Variants in FANCA observed in about 807,000 individuals in gnomAD.
FANCA encodes the protein FA complementation group A.
In FANCA, 236 loss-of-function variants were observed where a neutral mutation model predicts 194.3. That is an observed-to-expected ratio of 1.21 (90% CI 1.09 to 1.35). The LOEUF (loss-of-function observed/expected upper bound fraction) is 1.35, where lower values mean the gene tolerates loss of function less well. Among genes scored for constraint, FANCA ranks in the 40% most tolerant of loss-of-function variants. The pLI is 0.00. For synonymous variants in FANCA, 1,014 were observed against 715.8 expected (o/e 1.42, Z -6.65); for missense variants, 2,628 against 1,813.9 (o/e 1.45, Z -8.15).
At chr16:89,801,284 C>T (rs2040442346) in intron 8 of FANCA, among the ~76,000 whole-genome samples, 1 of 143,962 alleles carries the variant, frequency 6.9e-6, no homozygotes, top group Admixed American at 7.2e-5. Flanking sequence ...GCGGAGCTTG[C>T]AGTGAGCCGA....
rs1598154103 is a variant in FANCA at position 89,792,737 on chromosome 16, G to T, written c.1007-190C>A. On this transcript the variant is annotated intron_variant, in intron 11 of 42. Transcript: ENST00000389301. ...GGCCCGGGGGACCACTACCATCAATGCGCGGAGACCGGTAGTGGCCCTGAA... is the reference window on the plus strand; with the variant it reads ...GGCCCGGGGGACCACTACCATCAATTCGCGGAGACCGGTAGTGGCCCTGAA... The T allele has an allele frequency of 1.8e-5, 10 of 557,516 alleles. 1 individual carries two copies. Among genetic ancestry groups the T allele is most frequent in the African/African-American group, 7.5e-5 (4 of 53,204 alleles). 34.5% of individuals were successfully genotyped at this position (557,516 alleles called of 1,614,324 possible).
chr16:89,787,868 G>GT (rs1271593587), intron 14 of FANCA, among the ~76,000 whole-genome samples: 2 of 149,946 alleles, frequency 1.3e-5, no homozygotes, highest in African/African-American at 5.0e-5. Flanking sequence ...TTTCCTAAAA[G>GT]TAAAAAAAAA....
At chr16:89,738,810 C>T in intron 42 of FANCA, 72 bp downstream of exon 42, 2 of 1,613,862 alleles carry the variant, frequency 1.2e-6, no homozygotes, top group Non-Finnish European at 1.7e-6. Context: ...GCCAGCCAGG[C>T]AGGCACATGG....
intron 35 of FANCA, among the ~76,000 whole-genome samples, chr16:89,746,242 T>C (rs2038383645): frequency 6.6e-6 from 1 of 152,154 alleles, no homozygotes. Flanking sequence ...GCAGCCACCG[T>C]ACAGCCTCCA....
At chr16:89,752,885 T>A (rs1250558720) in intron 30 of FANCA, among the ~76,000 whole-genome samples, 1 of 151,242 alleles carries the variant, frequency 6.6e-6, no homozygotes, top group African/African-American at 2.4e-5. Flanking sequence ...GGAAAGGGAG[T>A]CTCCCTTTCC....
At chr16:89,790,771 G>T (rs1374410666) in intron 14 of FANCA, among the ~76,000 whole-genome samples, 1 of 151,182 alleles carries the variant, frequency 6.6e-6, no homozygotes, top group Non-Finnish European at 1.5e-5. Flanking sequence ...AAGAGACATT[G>T]TATACTCTGC....
chr16:89,792,658 G>T, intron 11 of FANCA, 111 bp from the exon 12 acceptor site: 2 of 828,924 alleles, frequency 2.4e-6, no homozygotes, highest in Non-Finnish European at 2.0e-6. Flanking sequence ...GTGCGGCGAC[G>T]AGAGAGTGTA....
At chr16:89,794,525 G>A (rs940210273) in intron 11 of FANCA, among the ~76,000 whole-genome samples, 4 of 152,124 alleles carry the variant, frequency 2.6e-5, no homozygotes, top group African/African-American at 9.7e-5. Flanking sequence ...AACAGAGTAA[G>A]ACTCTGTCTC....
chr16:89,768,124 C>T (rs2039194015), intron 26 of FANCA, among the ~76,000 whole-genome samples: 1 of 152,226 alleles, frequency 6.6e-6, no homozygotes, highest in South Asian at 2.1e-4. Context: ...GAGACCCCAT[C>T]TCTCACTAGC....
At chr16:89,766,782 T>C (rs1393091230) in intron 27 of FANCA, among the ~76,000 whole-genome samples, 2 of 152,324 alleles carry the variant, frequency 1.3e-5, no homozygotes, top group East Asian at 3.9e-4. Flanking sequence ...GGAATAAGAA[T>C]TCTTCTTTCC....
intron 35 of FANCA, 75 bp downstream of exon 35, chr16:89,746,509 C>A: frequency 1.7e-6 from 2 of 1,163,464 alleles, no homozygotes; most frequent in Non-Finnish European, 2.6e-6. Context: ...AGACGTGCTG[C>A]AGAGATGCCA....
chr16:89,779,988 G>C (rs199920033), intron 17 of FANCA, 31 bp from the exon 18 acceptor site: 15 of 1,594,132 alleles, frequency 9.4e-6, no homozygotes, highest in African/African-American at 2.7e-5. Context: ...AAAGGAAAAA[G>C]AACAGAGGAC....
intron 5 of FANCA, among the ~76,000 whole-genome samples, chr16:89,810,362 G>C (rs1174675896): frequency 8.0e-5 from 12 of 150,160 alleles, no homozygotes; most frequent in Non-Finnish European, 1.8e-4. Flanking sequence ...AACAAGGCGA[G>C]ACCCTGTCTC....
At chr16:89,783,319 G>A (rs1379265013) in intron 15 of FANCA, among the ~76,000 whole-genome samples, 1 of 152,116 alleles carries the variant, frequency 6.6e-6, no homozygotes, top group Non-Finnish European at 1.5e-5. Flanking sequence ...GGGAGGCTGA[G>A]GCGGGCAGAT....
At position 89,738,200 on chromosome 16, in the gene FANCA, C is replaced by T. The variant is rs753395786; in HGVS notation, c.*401G>A. The T allele has an allele frequency of 3.7e-6, 6 of 1,611,414 alleles. No individual in the cohort carries two copies. Among genetic ancestry groups the T allele is most frequent in the Non-Finnish European group, 3.4e-6 (4 of 1,179,178 alleles). ...GAACCACCACCTGGGCCACCGAGCC[C>T]CTCTGTGACCACAGAGGGCCAGGCG... On this transcript the variant is annotated 3_prime_UTR_variant, in exon 43 of 43. Coordinates refer to ENST00000389301, the MANE Select transcript of FANCA (RefSeq NM_000135.4).
chr16:89,748,441 G>A (rs2143124678), intron 33 of FANCA, among the ~76,000 whole-genome samples: 1 of 152,370 alleles, frequency 6.6e-6, no homozygotes, highest in South Asian at 2.1e-4. Context: ...AAACTTGGGA[G>A]AAGGCAACCT....
chr16:89,787,571 A>G (rs1260188020), intron 14 of FANCA, among the ~76,000 whole-genome samples: 1 of 152,086 alleles, frequency 6.6e-6, no homozygotes, highest in Non-Finnish European at 1.5e-5. Flanking sequence ...TATGTCCACA[A>G]AAAATTTTTT....
At chr16:89,740,142 T>C (rs746545180) in intron 38 of FANCA, 43 bp from the exon 39 acceptor site, 1 of 1,504,140 alleles carries the variant, frequency 6.6e-7, no homozygotes, top group Non-Finnish European at 9.3e-7. Context: ...GCCGACCTGG[T>C]GCTCCCATGG....
chr16:89,740,367 C>T, intron 38 of FANCA: 2 of 521,778 alleles, frequency 3.8e-6, no homozygotes, highest in Admixed American at 3.2e-5. Context: ...AGGCCGGATG[C>T]AGTGGCTCAT....
Sources: gnomAD v4.1 joint callset for allele counts (sites outside exome capture counted in the v4.1 genomes callset) on GRCh38, gnomAD v4.1.1 for gene constraint, MANE v1.5 for transcripts, NCBI Gene and HGNC (gene_info 2026-07-23, HGNC 2026-07-21) for gene names.